Variants in ESRRG observed in about 807,000 individuals in gnomAD.
The protein encoded by ESRRG is estrogen related receptor gamma, also known as estrogen-related receptor gamma.
In ESRRG, 13 loss-of-function variants were observed where a neutral mutation model predicts 44.0. The ratio of observed to expected loss-of-function variants is 0.30; its 90% confidence interval spans 0.19 to 0.47. The LOEUF is 0.47. Ranked by LOEUF, ESRRG falls within the 20% of genes least tolerant of loss-of-function variation. The pLI is 1.00. For missense variants in ESRRG, 395 were observed against 580.6 expected, an observed-to-expected ratio of 0.68 and a Z score of 3.29; for synonymous variants, 215 against 214.6, an observed-to-expected ratio of 1.00 and a Z score of -0.02.
At chr1:216,563,438 A>T (rs2059144698) in intron 5 of ESRRG, among the ~76,000 whole-genome samples, 2 of 152,208 alleles carry the variant, frequency 1.3e-5, no homozygotes, top group South Asian at 4.1e-4. Flanking sequence ...TTACTGTAGC[A>T]TTCAAAGCAT....
At chr1:217,118,801 G>T (rs2092774412) in intron 1 of ESRRG, among the ~76,000 whole-genome samples, 1 of 151,842 alleles carries the variant, frequency 6.6e-6, no homozygotes, top group Non-Finnish European at 1.5e-5. Flanking sequence ...AGACCAGCCT[G>T]GGCAACATAA....
chr1:216,673,251 C>T (rs982957626), intron 2 of ESRRG, among the ~76,000 whole-genome samples: 3 of 152,192 alleles, frequency 2.0e-5, no homozygotes, highest in African/African-American at 4.8e-5. Flanking sequence ...CCGTATTTGG[C>T]CACAGAAAGG....
intron 3 of ESRRG, among the ~76,000 whole-genome samples, chr1:216,583,765 G>C (rs572667236): frequency 1.3e-5 from 2 of 152,198 alleles, no homozygotes; most frequent in Non-Finnish European, 2.9e-5. Context: ...ACAGTTCCAC[G>C]TGGCTGGAAA....
At chr1:217,113,499 C>T (rs1269346059) in intron 1 of ESRRG, among the ~76,000 whole-genome samples, 3 of 152,162 alleles carry the variant, frequency 2.0e-5, no homozygotes, top group Admixed American at 6.5e-5. Context: ...AACTACTCCT[C>T]TCCCCAGGAG....
In ESRRG at chr1:216,949,688, T is replaced by G. The variant is rs150235354; in HGVS notation, c.-105-10015A>C. 3.9e-4 allele frequency among the ~76,000 whole-genome samples: 60 copies of G among 152,332 alleles called. 1 individual carries two copies. Among genetic ancestry groups the G allele is most frequent in the Admixed American group, 3.3e-3 (50 of 15,300 alleles). ...GAATATCTTGACATTTCTGTGAGCT[T>G]GTCTCTGTCATCTTCTACAACAAAT... On this transcript the variant is annotated intron_variant, in intron 1 of 7. Transcript: ENST00000359162.
intron 1 of ESRRG, among the ~76,000 whole-genome samples, chr1:216,966,568 T>C (rs944244921): frequency 6.6e-6 from 1 of 152,146 alleles, no homozygotes; most frequent in Non-Finnish European, 1.5e-5. Flanking sequence ...GTAAGGAATT[T>C]AGATATATAG....
chr1:216,538,663 T>C (rs912676318), intron 5 of ESRRG, among the ~76,000 whole-genome samples: 2 of 152,044 alleles, frequency 1.3e-5, no homozygotes, highest in Non-Finnish European at 2.9e-5. Context: ...ACCTCTTAAA[T>C]GAACTCTACC....
chr1:216,999,689 G>A (rs1293157227), intron 1 of ESRRG, among the ~76,000 whole-genome samples: 1 of 152,186 alleles, frequency 6.6e-6, no homozygotes, highest in Non-Finnish European at 1.5e-5. Flanking sequence ...AACATTGGTT[G>A]AGTAGTTACT....
At chr1:216,763,634 A>C (rs918786370) in intron 2 of ESRRG, among the ~76,000 whole-genome samples, 1 of 152,142 alleles carries the variant, frequency 6.6e-6, no homozygotes, top group South Asian at 2.1e-4. Flanking sequence ...GTTCAATTCT[A>C]TTTTTTGATT....
intron 1 of ESRRG, among the ~76,000 whole-genome samples, chr1:217,134,622 G>A (rs933219090): frequency 1.3e-5 from 2 of 152,202 alleles, no homozygotes; most frequent in Non-Finnish European, 2.9e-5. Flanking sequence ...TTGACCCGCC[G>A]TGCGCGAGTT....
chr1:216,564,514 A>C, intron 4 of ESRRG, 134 bp from the exon 5 acceptor site: 2 of 622,460 alleles, frequency 3.2e-6, no homozygotes, highest in Non-Finnish European at 5.3e-6. Context: ...ATTATGGCTC[A>C]ATAGGTATAT....
chr1:217,102,545 C>A (rs1389815338), intron 1 of ESRRG, among the ~76,000 whole-genome samples: 2 of 152,112 alleles, frequency 1.3e-5, no homozygotes, highest in African/African-American at 2.4e-5. Flanking sequence ...AAATTACCCT[C>A]CCACGTCTTC....
At chr1:216,508,462 A>T (rs914481438) in intron 6 of ESRRG, among the ~76,000 whole-genome samples, 2 of 152,190 alleles carry the variant, frequency 1.3e-5, no homozygotes, top group Non-Finnish European at 1.5e-5. Flanking sequence ...CTCAAGACTC[A>T]ATTTCTGCCT....
chr1:217,133,411 T>C (rs1380431658), intron 1 of ESRRG, among the ~76,000 whole-genome samples: 1 of 152,256 alleles, frequency 6.6e-6, no homozygotes, highest in Admixed American at 6.5e-5. Flanking sequence ...CCGGAGGTAC[T>C]GGGAGCCCAC....
At chr1:216,581,211 A>G (rs17669502) in intron 3 of ESRRG, among the ~76,000 whole-genome samples, 27,505 of 152,238 alleles carry the variant, frequency 0.18, 3,145 homozygotes, top group Middle Eastern at 0.26. Context: ...ATTTGGCTAA[A>G]GATGACCAGA....
rs1249362441 is a variant in ESRRG, at chr1:216,505,214, A to T, written c.*1725T>A. 6.6e-6 allele frequency: 1 copy of T among 152,620 alleles called. No individual in the cohort carries two copies. Among genetic ancestry groups the T allele is most frequent in the African/African-American group, 2.4e-5 (1 of 41,450 alleles). The allele number at this position is 152,620 out of a possible 1,614,324, so 9.5% of individuals were successfully genotyped here. A position where few individuals can be genotyped will look rare whatever the true frequency, so the allele number is the denominator to read the frequency against. Reference sequence around the variant, plus strand: ...TAGCATTTGATGGAGGTTACTGTTTATTGGTTATTCAGCGACTGTAGATTT... The same window carrying T: ...TAGCATTTGATGGAGGTTACTGTTTTTTGGTTATTCAGCGACTGTAGATTT... On this transcript the variant is annotated 3_prime_UTR_variant, in exon 7 of 7. Transcript: ENST00000408911.
intron 1 of ESRRG, among the ~76,000 whole-genome samples, chr1:216,685,555 G>C (rs1349093839): frequency 6.6e-6 from 1 of 152,186 alleles, no homozygotes; most frequent in African/African-American, 2.4e-5. Flanking sequence ...CACCGCACTA[G>C]AGAAGAAATA....
At chr1:216,651,182 C>G in intron 2 of ESRRG, 93 bp from the exon 3 acceptor site, 3 of 777,518 alleles carry the variant, frequency 3.9e-6, no homozygotes, top group Non-Finnish European at 6.9e-6. Flanking sequence ...TATTCTTACT[C>G]TCCCACCCCA....
intron 2 of ESRRG, among the ~76,000 whole-genome samples, chr1:216,884,841 G>C (rs894007685): frequency 6.6e-6 from 1 of 152,194 alleles, no homozygotes; most frequent in Admixed American, 6.5e-5. Flanking sequence ...ATTGGTGACA[G>C]CCACAGGATA....
Sources: gnomAD v4.1 joint callset for allele counts (sites outside exome capture counted in the v4.1 genomes callset) on GRCh38, gnomAD v4.1.1 for gene constraint, MANE v1.5 for transcripts, NCBI Gene and HGNC (gene_info 2026-07-23, HGNC 2026-07-21) for gene names.